The following COL15A1 variants were observed in gnomAD, a reference collection of about 807,000 sequenced individuals.
The protein encoded by COL15A1 is collagen alpha-1(XV) chain.
COL15A1 carries 111 observed loss-of-function variants against 165.9 expected under a neutral mutation model. The observed-to-expected ratio is 0.67, with a 90% CI of 0.57 to 0.78. The LOEUF is 0.78. Ranked by LOEUF, COL15A1 falls within the 30% of genes least tolerant of loss-of-function variation. The pLI, the probability that COL15A1 is intolerant of heterozygous loss-of-function variation, is 0.00. For synonymous variants in COL15A1, 659 were observed against 674.8 expected (o/e 0.98, Z 0.36); for missense variants, 1,745 against 1,789.7 (o/e 0.98, Z 0.45).
At chr9:99,040,674 T>C in intron 23 of COL15A1, 118 bp downstream of exon 23, 1 of 1,568,230 alleles carries the variant, frequency 6.4e-7, no homozygotes, top group Non-Finnish European at 8.7e-7. Flanking sequence ...GGCATCTTGT[T>C]CATTAACTTT....
intron 40 of COL15A1, 49 bp downstream of exon 40, chr9:99,067,116 C>G (rs1032791867): frequency 4.6e-6 from 7 of 1,517,222 alleles, no homozygotes; most frequent in Non-Finnish European, 6.3e-6. Context: ...TTGGTCGCTA[C>G]AGGGCCTGGA....
At chr9:99,019,263 G>A (rs183630228) in intron 11 of COL15A1, among the ~76,000 whole-genome samples, 2 of 152,240 alleles carry the variant, frequency 1.3e-5, no homozygotes, top group African/African-American at 2.4e-5. Context: ...GCGTGATCTC[G>A]GCTTACTGCA....
intron 6 of COL15A1, among the ~76,000 whole-genome samples, chr9:98,999,619 G>A (rs762271167): frequency 2.0e-5 from 3 of 150,178 alleles, no homozygotes; most frequent in Non-Finnish European, 4.4e-5. Flanking sequence ...GACCTCCCAG[G>A]CATGAGCTCC....
Position 99,069,777 on chromosome 9 carries a change from C to A in COL15A1, c.4058C>A (p.Ala1353Asp). Residue 1353 changes from alanine (A) to aspartate (D), a missense_variant, in exon 42 of 42, where the codon GCC (alanine) becomes GAC (aspartate). Transcript: ENST00000375001. ...RTADTAVTGLASPLSTGKILD... is the reference protein window; with the variant it reads ...RTADTAVTGLDSPLSTGKILD... ...GCGGACACAGCGGTCACGGGACTTGCCTCCCCGCTGAGCACGGGGAAGATT... is the reference window on the plus strand; with the variant it reads ...GCGGACACAGCGGTCACGGGACTTGACTCCCCGCTGAGCACGGGGAAGATT... The A allele has an allele frequency of 6.2e-7, 1 of 1,614,232 alleles. No homozygotes were observed. The highest frequency in any genetic ancestry group is 8.5e-7 in the Non-Finnish European group (1 of 1,180,038).
intron 2 of COL15A1, among the ~76,000 whole-genome samples, chr9:98,975,857 C>A (rs1838134241): frequency 6.6e-6 from 1 of 152,082 alleles, no homozygotes; most frequent in South Asian, 2.1e-4. Flanking sequence ...GAGAGTGGGG[C>A]CCCCGTGTGT....
At chr9:99,015,319 T>C in intron 9 of COL15A1, 98 bp from the exon 10 acceptor site, 1 of 775,504 alleles carries the variant, frequency 1.3e-6, no homozygotes, top group African/African-American at 1.7e-5. Context: ...AGCCTCCAGT[T>C]ATCTGAGGCT....
At chr9:98,987,402 C>G (rs756174364) in intron 4 of COL15A1, 34 bp downstream of exon 4, 1 of 1,566,530 alleles carries the variant, frequency 6.4e-7, no homozygotes, top group Non-Finnish European at 8.7e-7. Context: ...GTGGGCCCTG[C>G]AACCCCAGCA....
chr9:98,982,936 A>G (rs1838254193), intron 2 of COL15A1, among the ~76,000 whole-genome samples: 1 of 152,206 alleles, frequency 6.6e-6, no homozygotes, highest in African/African-American at 2.4e-5. Flanking sequence ...GTGTCCAGCC[A>G]TGATATCCAC....
At chr9:99,020,522 C>A in intron 12 of COL15A1, 80 bp downstream of exon 12, 3 of 999,566 alleles carry the variant, frequency 3.0e-6, no homozygotes, top group South Asian at 2.6e-5. Context: ...TTGATTTAGC[C>A]CACTCTGATC....
intron 16 of COL15A1, among the ~76,000 whole-genome samples, chr9:99,026,646 C>T (rs1327544458): frequency 6.6e-6 from 1 of 152,230 alleles, no homozygotes; most frequent in African/African-American, 2.4e-5. Flanking sequence ...CCCTTCTGTC[C>T]TCCTGGCCTT....
intron 6 of COL15A1, 124 bp from the exon 7 acceptor site, chr9:99,000,714 TC>T: frequency 1.5e-6 from 1 of 652,204 alleles, no homozygotes; most frequent in South Asian, 1.7e-5. Context: ...ACTTGTTTTT[TC>T]CCCCTCTTGA....
At chr9:98,999,153 A>T (rs1278134779) in intron 6 of COL15A1, among the ~76,000 whole-genome samples, 1 of 152,178 alleles carries the variant, frequency 6.6e-6, no homozygotes, top group African/African-American at 2.4e-5. Flanking sequence ...CCTTTGGAGG[A>T]TTTGGCACCT....
intron 5 of COL15A1, among the ~76,000 whole-genome samples, chr9:98,989,927 A>G (rs1242130221): frequency 6.6e-6 from 1 of 152,244 alleles, no homozygotes; most frequent in Admixed American, 6.5e-5. Context: ...GGGGACACCC[A>G]GGAGCCTGTT....
In COL15A1 at chr9:99,040,532, G is replaced by T. The variant is rs922293977; in HGVS notation, c.2487G>T (p.Gly829=). Residue 829 remains glycine (G), a synonymous_variant, in exon 23 of 42, where the codon GGG becomes GGT. Coordinates refer to ENST00000375001, the MANE Select transcript of COL15A1 (RefSeq NM_001855.5). ...PELVGPPGPD[G]LPGLPGFPGP... is the part of the protein sequence containing the mutation. Reference sequence around the variant, plus strand: ...TTGGTGTGTCACAGGGGCCGGACGGGTTGCCTGGGCTGCCAGGATTTCCAG... The same window carrying T: ...TTGGTGTGTCACAGGGGCCGGACGGTTTGCCTGGGCTGCCAGGATTTCCAG... 10 of 1,614,176 alleles carry T rather than the reference G, an allele frequency of 6.2e-6. No homozygotes were observed. Among genetic ancestry groups the T allele is most frequent in the Non-Finnish European group, 8.5e-6 (10 of 1,180,034 alleles).
intron 2 of COL15A1, among the ~76,000 whole-genome samples, chr9:98,967,710 C>A (rs982074049): frequency 3.3e-5 from 5 of 152,192 alleles, no homozygotes; most frequent in South Asian, 2.1e-4. Flanking sequence ...TGCCCCTGCA[C>A]CCTGTGCCTG....
chr9:98,958,820 C>A (rs1307132924), intron 2 of COL15A1, among the ~76,000 whole-genome samples: 1 of 152,126 alleles, frequency 6.6e-6, no homozygotes, highest in African/African-American at 2.4e-5. Context: ...GGAGCTTTGC[C>A]AAGTCCCCTC....
At position 99,005,063 on chromosome 9, in the gene COL15A1, C is replaced by T. The variant is rs780768048; in HGVS notation, c.1353+13C>T. On this transcript the variant is annotated intron_variant, in intron 9 of 41. Transcript: ENST00000375001. ...AGAGGCCACTGTGGTAAGGATCGTA[C>T]AGTGCCCAAAGGTTGAGGTCATGGT... The T allele has an allele frequency of 1.9e-6, 3 of 1,583,704 alleles. No homozygotes were observed. The highest frequency in any genetic ancestry group is 2.6e-6 in the Non-Finnish European group (3 of 1,165,964).
intron 6 of COL15A1, among the ~76,000 whole-genome samples, chr9:98,997,676 C>G (rs548822552): frequency 2.8e-4 from 42 of 152,346 alleles, no homozygotes; most frequent in African/African-American, 9.1e-4. Context: ...AGCAGCAGTC[C>G]CTAGGAGAAG....
chr9:98,996,297 G>A (rs375135128), intron 5 of COL15A1, among the ~76,000 whole-genome samples: 3 of 152,166 alleles, frequency 2.0e-5, no homozygotes, highest in African/African-American at 4.8e-5. Context: ...GCTGGGTCCC[G>A]CGAGCTGCTG....
Sources: gnomAD v4.1 joint callset for allele counts (sites outside exome capture counted in the v4.1 genomes callset) on GRCh38, gnomAD v4.1.1 for gene constraint, MANE v1.5 for transcripts, NCBI Gene and HGNC (gene_info 2026-07-23, HGNC 2026-07-21) for gene names.